Variants in KPNA7 observed in about 807,000 individuals in gnomAD.
The protein encoded by KPNA7 is karyopherin subunit alpha 7.
KPNA7 carries 54 observed loss-of-function variants against 53.7 expected under a neutral mutation model. That is an observed-to-expected ratio of 1.01 (90% CI 0.81 to 1.26). The LOEUF (loss-of-function observed/expected upper bound fraction) is 1.26, where lower values mean the gene tolerates loss of function less well. KPNA7 is among the 50% of genes most tolerant of loss of function. The pLI is 0.00. For synonymous variants in KPNA7, 276 were observed against 259.3 expected, an observed-to-expected ratio of 1.06 and a Z score of -0.62; for missense variants, 640 against 644.5, an observed-to-expected ratio of 0.99 and a Z score of 0.07.
chr7:99,152,906 A>G, the KPNA7 span, among the ~76,000 whole-genome samples: 3 of 152,220 alleles, frequency 2.0e-5, no homozygotes, highest in African/African-American at 4.8e-5. Flanking sequence ...ATTTTTCACT[A>G]AAGAAAGACT....
At chr7:99,152,956 CTCAAT>C in the KPNA7 span, among the ~76,000 whole-genome samples, 864 of 152,254 alleles carry the variant, frequency 5.7e-3, 7 homozygotes, top group Middle Eastern at 0.024. Flanking sequence ...TGGTTGAATT[CTCAAT>C]TCATTGACAA....
intron 5 of KPNA7, 127 bp from the exon 6 acceptor site, chr7:99,193,228 A>G: frequency 1.8e-6 from 1 of 542,518 alleles, no homozygotes; most frequent in Non-Finnish European, 3.1e-6. Flanking sequence ...GCAAGTAGGT[A>G]GTAGAGCCAC....
chr7:99,195,955 A>G, intron 4 of KPNA7, 129 bp downstream of exon 4: 2 of 707,344 alleles, frequency 2.8e-6, no homozygotes, highest in Non-Finnish European at 4.9e-6. Context: ...TAGATGGGCT[A>G]GCCTTTTCCT....
At chr7:99,188,240 A>G (rs1789730522) in intron 7 of KPNA7, 60 bp downstream of exon 7, 8 of 1,500,576 alleles carry the variant, frequency 5.3e-6, no homozygotes, top group Non-Finnish European at 7.2e-6. Context: ...TTGCCCCAGA[A>G]CCTGCTAAAG....
intron 3 of KPNA7, among the ~76,000 whole-genome samples, chr7:99,200,223 A>G (rs1355388960): frequency 6.6e-6 from 1 of 152,054 alleles, no homozygotes; most frequent in Non-Finnish European, 1.5e-5. Context: ...TTTTTCGTAG[A>G]GACGCGGTTT....
chr7:99,188,195 A>AAAG (rs1554465596), intron 7 of KPNA7, 105 bp downstream of exon 7: 48,355 of 624,616 alleles, frequency 0.077, 962 homozygotes, highest in Non-Finnish European at 0.087. Context: ...AAAAAAAAAA[A>AAAG]AAAGCAAAGA....
chr7:99,193,883 G>GC (rs936582643), intron 5 of KPNA7, among the ~76,000 whole-genome samples: 5 of 152,036 alleles, frequency 3.3e-5, no homozygotes, highest in African/African-American at 1.2e-4. Flanking sequence ...TCACTACATT[G>GC]CCCAGGCTGG....
At chr7:99,173,887 C>T in intron 10 of KPNA7, 93 bp from the exon 11 acceptor site, 1 of 743,780 alleles carries the variant, frequency 1.3e-6, no homozygotes, top group African/African-American at 1.8e-5. Flanking sequence ...CAAAATTGAC[C>T]CTCTTAACCA....
At chr7:99,215,987 A>AG (rs1015145084) in intron 1 of KPNA7, among the ~76,000 whole-genome samples, 7 of 151,864 alleles carry the variant, frequency 4.6e-5, no homozygotes, top group East Asian at 1.9e-4. Context: ...AAAAAAAAAA[A>AG]AAAAGAAAAG....
Position 99,193,023 on chromosome 7 carries a change from AG to A in KPNA7, c.631del (p.Leu211CysfsTer29), listed in dbSNP as rs1460831817. On this transcript the variant is annotated frameshift_variant, in exon 6 of 11. Transcript: ENST00000327442. LOFTEE classifies it high-confidence loss of function. The stretch of plus-strand genomic sequence containing the variant: ...GAGAAAGAAAAAGACACTTACCGGC[AG>A]GGTGGGTGAAATCAAGGCTAGGAGA... ...PHLLALISPT[L>X]PITFLRNITW... The A allele has an allele frequency of 3.9e-5, 58 of 1,496,944 alleles. No homozygotes were observed. The highest frequency in any genetic ancestry group is 5.0e-5 in the Non-Finnish European group (56 of 1,125,502). 92.7% of individuals were successfully genotyped at this position (1,496,944 alleles called of 1,614,324 possible).
chr7:99,151,442 TG>T, the KPNA7 span, among the ~76,000 whole-genome samples: 1 of 142,020 alleles, frequency 7.0e-6, no homozygotes, highest in East Asian at 2.2e-4. Flanking sequence ...CAAACTGTTT[TG>T]TTTGTTTGTT....
chr7:99,216,470 T>G (rs1791219229), intron 1 of KPNA7, among the ~76,000 whole-genome samples: 1 of 152,178 alleles, frequency 6.6e-6, no homozygotes, highest in African/African-American at 2.4e-5. Flanking sequence ...CTATACACTG[T>G]AAGACCCCTG....
upstream of KPNA7, among the ~76,000 whole-genome samples, chr7:99,211,306 C>G (rs951851639): frequency 7.2e-5 from 11 of 152,068 alleles, no homozygotes; most frequent in African/African-American, 2.7e-4. Context: ...CCTGTAATCC[C>G]AACTACTTGA....
At chr7:99,198,787 C>G (rs1040570861) in intron 3 of KPNA7, among the ~76,000 whole-genome samples, 4 of 151,874 alleles carry the variant, frequency 2.6e-5, no homozygotes, top group Non-Finnish European at 4.4e-5. Context: ...ATTAATTAGG[C>G]AACAAATAAA....
intron 1 of KPNA7, among the ~76,000 whole-genome samples, chr7:99,218,559 C>T (rs1007807493): frequency 1.3e-5 from 2 of 152,156 alleles, no homozygotes; most frequent in Admixed American, 6.6e-5. Context: ...TCCAGACACC[C>T]CGCAAGCCCG....
the KPNA7 span, among the ~76,000 whole-genome samples, chr7:99,152,489 A>G: frequency 5.9e-5 from 9 of 152,162 alleles, no homozygotes; most frequent in Non-Finnish European, 1.3e-4. Context: ...TACAAAGGGA[A>G]GTGTTTGGCG....
chr7:99,210,024 AAAAG>A, upstream of KPNA7, among the ~76,000 whole-genome samples: 1 of 151,146 alleles, frequency 6.6e-6, no homozygotes. Flanking sequence ...ACAAACAAAA[AAAAG>A]AAAAAATCAA....
upstream of KPNA7, among the ~76,000 whole-genome samples, chr7:99,211,454 G>T (rs189782095): frequency 1.8e-4 from 27 of 152,176 alleles, no homozygotes; most frequent in Non-Finnish European, 2.9e-5. Context: ...GACTGATGTT[G>T]TAAGAAGAGA....
At chr7:99,205,410 C>CAAAAAAAAAAAA (rs61410237) in intron 2 of KPNA7, among the ~76,000 whole-genome samples, 7 of 109,786 alleles carry the variant, frequency 6.4e-5, no homozygotes, top group African/African-American at 3.0e-4. Flanking sequence ...GACTCCATCT[C>CAAAAAAAAAAAA]AAAAAAAAAA....
Sources: gnomAD v4.1 joint callset for allele counts (sites outside exome capture counted in the v4.1 genomes callset) on GRCh38, gnomAD v4.1.1 for gene constraint, MANE v1.5 for transcripts, NCBI Gene and HGNC (gene_info 2026-07-23, HGNC 2026-07-21) for gene names.